The following TNIK variants were observed in gnomAD, a reference collection of about 807,000 sequenced individuals.
TNIK encodes the protein TRAF2 and NCK-interacting protein kinase.
A neutral mutation model predicts 191.3 loss-of-function variants in TNIK; 49 were observed. The ratio of observed to expected loss-of-function variants is 0.26; its 90% confidence interval spans 0.20 to 0.32. TNIK has a LOEUF of 0.32. Ranked by LOEUF, TNIK falls within the 10% of genes least tolerant of loss-of-function variation. The pLI is 1.00. For missense variants in TNIK, 1,155 were observed against 1,702.3 expected, an observed-to-expected ratio of 0.68 and a Z score of 5.66; for synonymous variants, 594 against 600.9, an observed-to-expected ratio of 0.99 and a Z score of 0.17.
chr3:171,274,025 G>A (rs1035081637), intron 2 of TNIK, among the ~76,000 whole-genome samples: 9 of 152,166 alleles, frequency 5.9e-5, no homozygotes, highest in African/African-American at 2.2e-4. Context: ...ATATCCACAA[G>A]GAGCAATATG....
intron 1 of TNIK, among the ~76,000 whole-genome samples, chr3:171,419,160 G>A (rs1369833319): frequency 6.6e-6 from 1 of 152,170 alleles, no homozygotes. Flanking sequence ...TTCAACATAT[G>A]AATTTACAGG....
At chr3:171,206,645 T>A (rs1740131517) in intron 4 of TNIK, among the ~76,000 whole-genome samples, 2 of 152,168 alleles carry the variant, frequency 1.3e-5, no homozygotes. Context: ...TAAAGTGTTA[T>A]GTTTTAGGAT....
intron 2 of TNIK, among the ~76,000 whole-genome samples, chr3:171,334,723 C>A (rs890192769): frequency 6.6e-6 from 1 of 152,208 alleles, no homozygotes; most frequent in African/African-American, 2.4e-5. Context: ...TCACCCAAGT[C>A]TGACATCACC....
At position 171,257,222 on chromosome 3, in the gene TNIK, C is replaced by T. The variant is rs148204854; in HGVS notation, c.124-29001G>A. ...AACCATGCTGTAGAACCAGGGCAGG[C>T]GGTACTCTAGAACTGGGAATTCATT... is the stretch of plus-strand genomic sequence containing the variant. On this transcript the variant is annotated intron_variant, in intron 2 of 32. Transcript: ENST00000436636. 1.4e-4 allele frequency among the ~76,000 whole-genome samples: 22 copies of T among 152,226 alleles called. 1 individual carries two copies. The East Asian group carries it at 3.9e-3, about 27-fold the overall frequency.
At position 171,339,492 on chromosome 3, in the gene TNIK, C is replaced by T. The variant is rs1044948128; in HGVS notation, c.123+30128G>A. Among the ~76,000 whole-genome samples the T allele has an allele frequency of 5.3e-5, 8 of 152,318 alleles. No homozygotes were observed. In the East Asian group the frequency reaches 5.8e-4, roughly 11 times the overall value. Reference sequence around the variant, plus strand: ...TCAGTCCCCATCCATGGAAGCTTTTCGTCATTAGAATATGCATTCCATGAA... The same window carrying T: ...TCAGTCCCCATCCATGGAAGCTTTTTGTCATTAGAATATGCATTCCATGAA... On this transcript the variant is annotated intron_variant, in intron 2 of 32. Transcript: ENST00000436636.
intron 2 of TNIK, among the ~76,000 whole-genome samples, chr3:171,252,077 TGTGC>T (rs1299645240): frequency 2.6e-5 from 4 of 151,994 alleles, no homozygotes; most frequent in African/African-American, 9.7e-5. Flanking sequence ...TGTGTGTGTG[TGTGC>T]GTGTGTGTGT....
At chr3:171,178,735 T>C (rs999797811) in intron 7 of TNIK, among the ~76,000 whole-genome samples, 1 of 152,228 alleles carries the variant, frequency 6.6e-6, no homozygotes, top group African/African-American at 2.4e-5. Flanking sequence ...GCCCACATCC[T>C]AATATAGATA....
At chr3:171,104,057 AAATAAC>A (rs1724147823) in intron 21 of TNIK, among the ~76,000 whole-genome samples, 1 of 149,618 alleles carries the variant, frequency 6.7e-6, no homozygotes, top group African/African-American at 2.6e-5. Flanking sequence ...GAAACATTAG[AAATAAC>A]AATTAAACTT....
chr3:171,267,920 T>TATC (rs1229111133), intron 2 of TNIK, among the ~76,000 whole-genome samples: 1 of 152,178 alleles, frequency 6.6e-6, no homozygotes, highest in African/African-American at 2.4e-5. Flanking sequence ...AAAGACCTCA[T>TATC]ATCCACTCCC....
intron 12 of TNIK, among the ~76,000 whole-genome samples, chr3:171,148,437 T>G (rs1032993559): frequency 6.6e-6 from 1 of 152,182 alleles, no homozygotes; most frequent in South Asian, 2.1e-4. Context: ...CCAGGTGTCA[T>G]ACAGAGGAGC....
intron 12 of TNIK, among the ~76,000 whole-genome samples, chr3:171,148,550 G>A (rs982058455): frequency 1.3e-5 from 2 of 152,152 alleles, no homozygotes; most frequent in Non-Finnish European, 2.9e-5. Flanking sequence ...TCATTCTGAA[G>A]CCTTAGTATG....
chr3:171,123,094 GTTC>G (rs1164608008), intron 18 of TNIK, among the ~76,000 whole-genome samples: 1 of 152,204 alleles, frequency 6.6e-6, no homozygotes, highest in South Asian at 2.1e-4. Context: ...GTAAGAGCTA[GTTC>G]TTCTATAACT....
rs1001414987 is a variant in TNIK, at chr3:171,384,781, G to T, written c.58-15096C>A. On this transcript the variant is annotated intron_variant, in intron 1 of 32. Transcript: ENST00000436636. ...GAAATATAAATGAAGAGAAGCAAAA[G>T]AACTGTGTTTTAGAAGAGCACATGA... Among the ~76,000 whole-genome samples the T allele has an allele frequency of 7.9e-5, 12 of 152,258 alleles. 1 individual carries two copies. The highest frequency in any genetic ancestry group is 6.5e-4 in the Admixed American group (10 of 15,300).
intron 18 of TNIK, among the ~76,000 whole-genome samples, chr3:171,122,770 C>T (rs1358622159): frequency 6.6e-6 from 1 of 152,164 alleles, no homozygotes; most frequent in South Asian, 2.1e-4. Flanking sequence ...CTTTTTATAG[C>T]CTTAGCAGAG....
At chr3:171,148,546 T>G (rs970544939) in intron 12 of TNIK, among the ~76,000 whole-genome samples, 3 of 152,232 alleles carry the variant, frequency 2.0e-5, no homozygotes, top group African/African-American at 7.2e-5. Flanking sequence ...GTCATCATTC[T>G]GAAGCCTTAG....
In TNIK at chr3:171,060,938, A is replaced by G. The variant is rs1717758920; in HGVS notation, c.*2943T>C. ...TCTGAGGGGAGGGCTCAGTTTCTCC[A>G]GTTTCTCTTTGTAGGAAAATAAAAA... On this transcript the variant is annotated 3_prime_UTR_variant, in exon 33 of 33. Coordinates refer to ENST00000436636, the MANE Select transcript of TNIK (RefSeq NM_015028.4). Among the ~76,000 whole-genome samples the G allele has an allele frequency of 1.3e-5, 2 of 152,188 alleles. No homozygotes were observed. Among genetic ancestry groups the G allele is most frequent in the Admixed American group, 6.5e-5 (1 of 15,270 alleles).
chr3:171,237,654 G>T (rs1744444619), intron 2 of TNIK, among the ~76,000 whole-genome samples: 1 of 152,118 alleles, frequency 6.6e-6, no homozygotes, highest in East Asian at 1.9e-4. Context: ...GAGTGTGGTG[G>T]CTCATGCCTA....
chr3:171,167,258 G>A lies in TNIK; in HGVS notation c.786C>T (p.Phe262=). The A allele has an allele frequency of 6.2e-7, 1 of 1,611,842 alleles. No individual in the cohort carries two copies. The highest frequency in any genetic ancestry group is 1.1e-5 in the South Asian group (1 of 90,398). Residue 262 remains phenylalanine (F), a synonymous_variant, in exon 10 of 33, where the codon TTC becomes TTT. Coordinates refer to ENST00000436636, the MANE Select transcript of TNIK (RefSeq NM_015028.4). ...RLKSKKWSKK[F]QSFIESCLVK... is the part of the protein sequence containing the mutation. ...CCAAGCAGCTCTCAATAAATGACTG[G>A]AATTTTTTTGACCTGCCAAACAAAA...
At chr3:171,249,696 G>A (rs1577247658) in intron 2 of TNIK, among the ~76,000 whole-genome samples, 1 of 152,144 alleles carries the variant, frequency 6.6e-6, no homozygotes, top group African/African-American at 2.4e-5. Flanking sequence ...TTACTGTCTT[G>A]TACGATATAT....
Sources: gnomAD v4.1 joint callset for allele counts (sites outside exome capture counted in the v4.1 genomes callset) on GRCh38, gnomAD v4.1.1 for gene constraint, MANE v1.5 for transcripts, NCBI Gene and HGNC (gene_info 2026-07-23, HGNC 2026-07-21) for gene names.